Variants in NLRC5 observed in about 807,000 individuals in gnomAD.
NLRC5 encodes the protein protein NLRC5.
A neutral mutation model predicts 206.9 loss-of-function variants in NLRC5; 114 were observed. That is an observed-to-expected ratio of 0.55 (90% CI 0.47 to 0.64). NLRC5 has a LOEUF of 0.64. NLRC5 is among the 30% of genes least tolerant of loss of function. The pLI, the probability that NLRC5 is intolerant of heterozygous loss-of-function variation, is 0.00. For synonymous variants in NLRC5, 952 were observed against 962.8 expected (o/e 0.99, Z 0.21); for missense variants, 2,008 against 2,305.5 (o/e 0.87, Z 2.64).
At chr16:56,994,584 G>A (rs1053099339) in intron 1 of NLRC5, among the ~76,000 whole-genome samples, 5 of 152,206 alleles carry the variant, frequency 3.3e-5, no homozygotes, top group Non-Finnish European at 7.3e-5. Context: ...AGGCAAGGCA[G>A]GCGAGGGTGG....
At position 57,040,656 on chromosome 16, in the gene NLRC5, A is replaced by T; in HGVS notation, c.2877A>T (p.Ala959=). The T allele has an allele frequency of 6.2e-7, 1 of 1,614,080 alleles. No individual in the cohort carries two copies. Among genetic ancestry groups the T allele is most frequent in the Non-Finnish European group, 8.5e-7 (1 of 1,179,982 alleles). ...EEQKGPQERA[A]FLDSLMLQMP... is the part of the protein sequence containing the mutation. ...CTTGGTGATGTCCCTCCAGGGCTGCATTTCTTGACAGCCTCATGCTCCAGA... is the reference window on the plus strand; with the variant it reads ...CTTGGTGATGTCCCTCCAGGGCTGCTTTTCTTGACAGCCTCATGCTCCAGA... Residue 959 remains alanine (A), a synonymous_variant, in exon 17 of 49, where the codon GCA becomes GCT. Coordinates refer to ENST00000688547, the MANE Select transcript of NLRC5 (RefSeq NM_001384950.1).
At chr16:57,063,801 C>T (rs1298331428) in intron 32 of NLRC5, among the ~76,000 whole-genome samples, 2 of 151,896 alleles carry the variant, frequency 1.3e-5, no homozygotes, top group Admixed American at 6.6e-5. Context: ...TGCAGTGGTG[C>T]GATCTCGGCT....
At chr16:57,058,848 A>T in intron 28 of NLRC5, 124 bp from the exon 29 acceptor site, 1 of 822,494 alleles carries the variant, frequency 1.2e-6, no homozygotes, top group Non-Finnish European at 2.1e-6. Context: ...TCTGGAGAAT[A>T]GATGCTTAGA....
chr16:57,041,405 G>A, intron 17 of NLRC5, 80 bp from the exon 18 acceptor site: 2 of 1,192,678 alleles, frequency 1.7e-6, no homozygotes, highest in Non-Finnish European at 2.5e-6. Flanking sequence ...CTCTGCCTCT[G>A]TGTCTGGGGG....
At chr16:57,043,647 T>C (rs2063562659) in intron 20 of NLRC5, 43 bp downstream of exon 20, 1 of 1,501,228 alleles carries the variant, frequency 6.7e-7, no homozygotes, top group Non-Finnish European at 9.3e-7. Flanking sequence ...CTGTCCCCCA[T>C]CCCACAGGTC....
intron 11 of NLRC5, 131 bp downstream of exon 11, chr16:57,031,594 T>A: frequency 1.2e-6 from 1 of 820,238 alleles, no homozygotes; most frequent in Non-Finnish European, 2.0e-6. Flanking sequence ...ACTGCTGCAC[T>A]GAGGAATGAA....
Position 57,025,679 on chromosome 16 carries a change from G to A in NLRC5, c.736G>A (p.Ala246Thr). The change falls in exon 6 of 49, where the codon GCA (alanine) becomes ACA (threonine). Residue 246 changes from alanine (A) to threonine (T), a missense_variant. Ala to Thr is a moderately conservative substitution (Grantham distance 58). Transcript: ENST00000688547. ...GGCCCACCGGCTCTGCCAGAAGTGG[G>A]CAGAGGGCCATCTGAACTGTTTCCA... is the stretch of plus-strand genomic sequence containing the variant. ...TLAHRLCQKW[A>T]EGHLNCFQAL... 6.2e-7 allele frequency: 1 copy of A among 1,614,234 alleles called. No individual in the cohort carries two copies. The highest frequency in any genetic ancestry group is 8.5e-7 in the Non-Finnish European group (1 of 1,180,044).
intron 38 of NLRC5, among the ~76,000 whole-genome samples, chr16:57,071,310 G>A (rs1335597426): frequency 3.0e-5 from 4 of 135,514 alleles, no homozygotes; most frequent in Non-Finnish European, 6.3e-5. Flanking sequence ...AGTGAGTGGT[G>A]ATGGTTGGTT....
At position 57,026,556 on chromosome 16, in the gene NLRC5, C is replaced by T; in HGVS notation, c.1613C>T (p.Thr538Ile). The change falls in exon 6 of 49, where the codon ACC (threonine) becomes ATC (isoleucine). Residue 538 changes from threonine to isoleucine, a missense_variant. Thr to Ile is a moderately conservative substitution (Grantham distance 89, BLOSUM62 -1). Transcript: ENST00000688547. ...CCCAAGGTGAACAAAGACACACTTA[C>T]CCAGTATGTTACCCTCCATTCCCGC... ...ASPKVNKDTL[T>I]QYVTLHSRWV... is the part of the protein sequence containing the mutation. The T allele has an allele frequency of 2.5e-6, 4 of 1,614,196 alleles. No homozygotes were observed. The highest frequency in any genetic ancestry group is 2.5e-6 in the Non-Finnish European group (3 of 1,180,044).
Position 57,074,613 on chromosome 16 carries a change from C to T in NLRC5, c.4681C>T (p.Leu1561=). The T allele has an allele frequency of 1.2e-6, 2 of 1,613,982 alleles. No homozygotes were observed. The highest frequency in any genetic ancestry group is 1.7e-6 in the Non-Finnish European group (2 of 1,179,850). Residue 1561 remains leucine (L), a synonymous_variant, in exon 39 of 49, where the codon CTG becomes TTG. Coordinates refer to ENST00000688547, the MANE Select transcript of NLRC5 (RefSeq NM_001384950.1). ...MLKRLDLSHL[L]LNSSTLALLT... ...CCTCTTCTCCAGCCTCAGTCACCTT[C>T]TGCTGAACAGCTCCACCTTGGCCTT...
intron 14 of NLRC5, among the ~76,000 whole-genome samples, chr16:57,036,767 G>A (rs1407406788): frequency 6.6e-6 from 1 of 151,980 alleles, no homozygotes; most frequent in Non-Finnish European, 1.5e-5. Context: ...TTCAATCTTC[G>A]CTCTGTCACT....
chr16:57,047,644 A>G lies in NLRC5; in HGVS notation c.3422+16A>G. ...TGGAACTGCAGTAAGTAACGAGGAC[A>G]CAGCCCCAGAGGGCACCATGTGGGG... On this transcript the variant is annotated intron_variant, in intron 23 of 48. Coordinates refer to ENST00000688547, the MANE Select transcript of NLRC5 (RefSeq NM_001384950.1). 1 of 1,606,338 alleles carries G rather than the reference A, an allele frequency of 6.2e-7. No individual in the cohort carries two copies. The highest frequency in any genetic ancestry group is 8.5e-7 in the Non-Finnish European group (1 of 1,175,482).
At position 57,054,738 on chromosome 16, in the gene NLRC5, C is replaced by T. The variant is rs1477364822; in HGVS notation, c.3507-13C>T. 3.7e-6 allele frequency: 6 copies of T among 1,613,152 alleles called. No individual in the cohort carries two copies. The highest frequency in any genetic ancestry group is 1.3e-5 in the African/African-American group (1 of 74,910). ...CCACTCATCTTGCCGGATCTACCCC[C>T]TTTCCTTTTCAGGCTGAGCCAGACG... is the stretch of plus-strand genomic sequence containing the variant. On this transcript the variant is annotated splice_polypyrimidine_tract_variant and intron_variant, in intron 24 of 48. Transcript: ENST00000688547.
intron 21 of NLRC5, 38 bp downstream of exon 21, chr16:57,045,530 C>A: frequency 6.2e-7 from 1 of 1,603,054 alleles, no homozygotes; most frequent in Non-Finnish European, 8.5e-7. Flanking sequence ...AGTCCCCTCC[C>A]GCTCTGGTCC....
rs71383218 is a variant in NLRC5, at chr16:57,078,466, G to GTTTTTTTTTTTTTT, written c.5081+457_5081+470dup. On this transcript the variant is annotated intron_variant, in intron 43 of 48. Coordinates refer to ENST00000688547, the MANE Select transcript of NLRC5 (RefSeq NM_001384950.1). ...CAGAGTCCCAGAGTGCTGGGACCTT[G>GTTTTTTTTTTTTTT]TTTTTTTTTTTTTTTTTTTTTTTTA... Among the ~76,000 whole-genome samples the GTTTTTTTTTTTTTT allele has an allele frequency of 1.1e-3, 97 of 92,206 alleles. 7 individuals carry two copies. Among genetic ancestry groups the GTTTTTTTTTTTTTT allele is most frequent in the African/African-American group, 4.7e-3 (94 of 20,060 alleles). The allele number at this position is 92,206 out of a possible 152,430, so 60.5% of individuals were successfully genotyped here.
chr16:57,042,295 T>G (rs1228716480), intron 19 of NLRC5, among the ~76,000 whole-genome samples: 3 of 152,232 alleles, frequency 2.0e-5, no homozygotes, highest in Non-Finnish European at 2.9e-5. Context: ...TTCTGGAACC[T>G]GTCTCCGCAT....
chr16:57,009,533 C>A (rs1473398954), intron 1 of NLRC5, among the ~76,000 whole-genome samples: 1 of 151,740 alleles, frequency 6.6e-6, no homozygotes, highest in Non-Finnish European at 1.5e-5. Flanking sequence ...GTGGAGGTTG[C>A]AGTGAGCTGA....
intron 15 of NLRC5, among the ~76,000 whole-genome samples, chr16:57,038,048 TCAC>T (rs2143438674): frequency 6.6e-6 from 1 of 152,180 alleles, no homozygotes; most frequent in Non-Finnish European, 1.5e-5. Context: ...AAATAAATTA[TCAC>T]GATTGTGCAA....
rs554691294 is a variant in NLRC5 at position 57,006,962 on chromosome 16, G to A, written c.-127-10112G>A. On this transcript the variant is annotated intron_variant, in intron 1 of 48. Coordinates refer to ENST00000688547, the MANE Select transcript of NLRC5 (RefSeq NM_001384950.1). ...TTTCATTTTTTTGTGAGCTATCACT[G>A]ATAATTTCTTATTTACTCATCATCT... Among the ~76,000 whole-genome samples the A allele has an allele frequency of 8.6e-5, 13 of 150,750 alleles. No individual in the cohort carries two copies. The East Asian group carries it at 1.9e-3, about 23-fold the overall frequency.
Sources: gnomAD v4.1 joint callset for allele counts (sites outside exome capture counted in the v4.1 genomes callset) on GRCh38, gnomAD v4.1.1 for gene constraint, MANE v1.5 for transcripts, NCBI Gene and HGNC (gene_info 2026-07-23, HGNC 2026-07-21) for gene names.